The following DLG2 variants were observed in gnomAD, a reference collection of about 807,000 sequenced individuals.
DLG2 encodes the protein discs large MAGUK scaffold protein 2.
Under a neutral mutation model 132.5 loss-of-function variants are expected in DLG2, and 45 were observed. The ratio of observed to expected loss-of-function variants is 0.34; its 90% CI spans 0.27 to 0.44. The LOEUF (loss-of-function observed/expected upper bound fraction) is 0.44. Among genes scored for constraint, DLG2 ranks in the 20% least tolerant of loss-of-function variants. The pLI is 1.00. For missense variants in DLG2, 1,045 were observed against 1,196.9 expected (o/e 0.87, Z 1.87); for synonymous variants, 424 against 419.6 (o/e 1.01, Z -0.13).
rs564329564 is a variant in DLG2, at chr11:84,635,613, G to A, written c.358-100882C>T. Among the ~76,000 whole-genome samples the A allele has an allele frequency of 6.6e-5, 10 of 150,498 alleles. No homozygotes were observed. In the South Asian group the frequency reaches 1.7e-3, roughly 26 times the overall value. ...GCATTTCTCTCATTATTTTGTTTAG[G>A]ACCTTAACTATGAAGATAGTAACAA... On this transcript the variant is annotated intron_variant, in intron 6 of 27. Coordinates refer to ENST00000376104, the MANE Select transcript of DLG2 (RefSeq NM_001142699.3).
chr11:85,346,189 T>C (rs1389567947), intron 3 of DLG2, among the ~76,000 whole-genome samples: 1 of 141,844 alleles, frequency 7.1e-6, no homozygotes, highest in Non-Finnish European at 1.5e-5. Context: ...ATTTTCTTTC[T>C]TTTTTTTTTT....
intron 19 of DLG2, among the ~76,000 whole-genome samples, chr11:83,563,876 T>C (rs527847012): frequency 3.9e-5 from 6 of 152,252 alleles, no homozygotes; most frequent in Non-Finnish European, 2.9e-5. Context: ...CTTATTTCAA[T>C]GTCTCTTTCA....
intron 4 of DLG2, among the ~76,000 whole-genome samples, chr11:85,262,645 AG>A (rs2077002363): frequency 6.6e-6 from 1 of 152,200 alleles, no homozygotes; most frequent in Non-Finnish European, 1.5e-5. Context: ...GATGAGAAAA[AG>A]TTAACCACGT....
chr11:85,317,001 A>G (rs1290735674), intron 3 of DLG2, among the ~76,000 whole-genome samples: 1 of 152,008 alleles, frequency 6.6e-6, no homozygotes, highest in South Asian at 2.1e-4. Flanking sequence ...CCTGTTCTGA[A>G]GTGTCAGAAA....
intron 21 of DLG2, among the ~76,000 whole-genome samples, chr11:83,494,472 A>G (rs2094039520): frequency 6.6e-6 from 1 of 151,624 alleles, no homozygotes; most frequent in African/African-American, 2.4e-5. Context: ...TATTTCAGAA[A>G]CAGTGACTGA....
intron 3 of DLG2, among the ~76,000 whole-genome samples, chr11:85,353,497 C>G (rs1465394836): frequency 1.3e-5 from 2 of 152,056 alleles, no homozygotes; most frequent in Non-Finnish European, 2.9e-5. Flanking sequence ...GGTATATAAC[C>G]AAAGGATTAT....
intron 9 of DLG2, among the ~76,000 whole-genome samples, chr11:84,103,812 G>A (rs1387135543): frequency 6.6e-6 from 1 of 151,998 alleles, no homozygotes; most frequent in African/African-American, 2.4e-5. Flanking sequence ...CTCTCAAAAT[G>A]GGGTTATATA....
In DLG2 at chr11:84,361,405, C is replaced by T. The variant is rs548789067; in HGVS notation, c.520-110114G>A. Reference sequence around the variant, plus strand: ...CAACCCCTCCTCATAAATAACTATTCAGATCATATGGCAGTGACATCTTTA... The same window carrying T: ...CAACCCCTCCTCATAAATAACTATTTAGATCATATGGCAGTGACATCTTTA... On this transcript the variant is annotated intron_variant, in intron 7 of 27. Coordinates refer to ENST00000376104, the MANE Select transcript of DLG2 (RefSeq NM_001142699.3). 3.3e-5 allele frequency among the ~76,000 whole-genome samples: 5 copies of T among 152,028 alleles called. No individual in the cohort carries two copies. The South Asian group carries it at 1.0e-3, about 32-fold the overall frequency.
chr11:84,405,487 C>T (rs2098845537), intron 7 of DLG2, among the ~76,000 whole-genome samples: 1 of 152,156 alleles, frequency 6.6e-6, no homozygotes, highest in Admixed American at 6.5e-5. Flanking sequence ...GGAAGTCTTG[C>T]CTTCCTATAA....
intron 6 of DLG2, among the ~76,000 whole-genome samples, chr11:85,079,652 C>CT (rs1404989894): frequency 6.6e-6 from 1 of 152,112 alleles, no homozygotes; most frequent in Non-Finnish European, 1.5e-5. Context: ...GGCCAAGTGA[C>CT]TTTGAGCCAA....
chr11:85,350,878 T>A (rs963925881), intron 3 of DLG2, among the ~76,000 whole-genome samples: 4 of 152,152 alleles, frequency 2.6e-5, no homozygotes, highest in Non-Finnish European at 4.4e-5. Flanking sequence ...CTTAGGATTG[T>A]CTTGGCAATG....
intron 11 of DLG2, among the ~76,000 whole-genome samples, chr11:84,045,303 T>C (rs2096216208): frequency 6.6e-6 from 1 of 151,694 alleles, no homozygotes; most frequent in Non-Finnish European, 1.5e-5. Context: ...AGGTTACCTA[T>C]AATTGATAGA....
intron 3 of DLG2, among the ~76,000 whole-genome samples, chr11:85,395,490 C>A (rs2087240920): frequency 1.3e-5 from 2 of 152,132 alleles, no homozygotes; most frequent in African/African-American, 4.8e-5. Context: ...AAGGGGATTC[C>A]ACTTTCCTAG....
At chr11:85,302,457 C>T (rs1334851735) in intron 3 of DLG2, among the ~76,000 whole-genome samples, 1 of 151,968 alleles carries the variant, frequency 6.6e-6, no homozygotes, top group African/African-American at 2.4e-5. Context: ...GCCTGCTGGG[C>T]CTACATTCCC....
chr11:83,584,865 C>A (rs1268101360), intron 19 of DLG2, among the ~76,000 whole-genome samples: 1 of 152,164 alleles, frequency 6.6e-6, no homozygotes, highest in Non-Finnish European at 1.5e-5. Context: ...TTTACTCAGT[C>A]AACTGTAGGT....
At chr11:85,502,986 C>A (rs546540105) in intron 3 of DLG2, among the ~76,000 whole-genome samples, 2 of 151,944 alleles carry the variant, frequency 1.3e-5, no homozygotes, top group East Asian at 3.9e-4. Context: ...TGATATATAC[C>A]AATAAAAAAT....
intron 7 of DLG2, among the ~76,000 whole-genome samples, chr11:84,389,260 G>A (rs933270403): frequency 1.8e-4 from 28 of 151,930 alleles, no homozygotes; most frequent in African/African-American, 6.8e-4. Context: ...CCAGACTTGG[G>A]TACTTTGCAC....
intron 11 of DLG2, among the ~76,000 whole-genome samples, chr11:84,004,947 C>A (rs1249050362): frequency 3.4e-4 from 47 of 138,056 alleles, no homozygotes; most frequent in East Asian, 1.7e-3. Context: ...TATATAGAAT[C>A]AAAAAAAAAA....
At chr11:85,556,533 TTATAAA>T (rs2076950535) in intron 3 of DLG2, among the ~76,000 whole-genome samples, 1 of 151,990 alleles carries the variant, frequency 6.6e-6, no homozygotes, top group Non-Finnish European at 1.5e-5. Context: ...TAATTTAATG[TTATAAA>T]TATATCACAA....
Sources: gnomAD v4.1 joint callset for allele counts (sites outside exome capture counted in the v4.1 genomes callset) on GRCh38, gnomAD v4.1.1 for gene constraint, MANE v1.5 for transcripts, NCBI Gene and HGNC (gene_info 2026-07-23, HGNC 2026-07-21) for gene names.